PTPRD: variants seen among roughly 807,000 people sequenced by gnomAD.
PTPRD encodes the protein protein tyrosine phosphatase receptor type D.
PTPRD carries 34 observed loss-of-function variants against 214.5 expected under a neutral mutation model. The ratio of observed to expected loss-of-function variants is 0.16; its 90% CI spans 0.12 to 0.21. The LOEUF is 0.21. Among genes scored for constraint, PTPRD ranks in the 10% least tolerant of loss-of-function variants. The pLI is 1.00. For missense variants in PTPRD, 2,545 were observed against 2,398.7 expected (o/e 1.06, Z -1.27); for synonymous variants, 1,128 against 845.7 (o/e 1.33, Z -5.79).
chr9:9,069,784 A>T (rs1253351691), intron 10 of PTPRD, among the ~76,000 whole-genome samples: 3 of 152,186 alleles, frequency 2.0e-5, no homozygotes, highest in African/African-American at 4.8e-5. Context: ...AACCTCAGGT[A>T]TTATACAAAA....
chr9:10,556,518 G>A (rs1276575694), intron 2 of PTPRD, among the ~76,000 whole-genome samples: 1 of 152,026 alleles, frequency 6.6e-6, no homozygotes, highest in East Asian at 1.9e-4. Context: ...GAGTCACGTG[G>A]TGATACAACG....
intron 11 of PTPRD, among the ~76,000 whole-genome samples, chr9:8,763,887 C>T (rs183855532): frequency 2.2e-4 from 34 of 152,278 alleles, no homozygotes; most frequent in Non-Finnish European, 4.1e-4. Context: ...AATTCTCTCT[C>T]ATTAGCTTAC....
intron 11 of PTPRD, chr9:8,858,126 C>G (rs1024626975): frequency 2.0e-4 from 32 of 163,122 alleles, no homozygotes; most frequent in Non-Finnish European, 3.7e-4. Flanking sequence ...CTCCTCCTCC[C>G]GCTCCTCGAT....
chr9:9,326,618 A>C, intron 9 of PTPRD, among the ~76,000 whole-genome samples: 1 of 152,052 alleles, frequency 6.6e-6, no homozygotes, highest in Non-Finnish European at 1.5e-5. Context: ...TGTTTAAATA[A>C]AAATGACAAG....
intron 11 of PTPRD, among the ~76,000 whole-genome samples, chr9:8,765,422 T>A (rs1022486776): frequency 1.6e-4 from 24 of 152,216 alleles, no homozygotes; most frequent in African/African-American, 5.8e-4. Context: ...ACCTTCATGT[T>A]CTAAGGACAC....
chr9:9,118,025 G>C (rs2099814004), intron 10 of PTPRD, among the ~76,000 whole-genome samples: 1 of 152,104 alleles, frequency 6.6e-6, no homozygotes, highest in African/African-American at 2.4e-5. Context: ...GCAAGTGAGG[G>C]ACCTGAAGCA....
intron 8 of PTPRD, among the ~76,000 whole-genome samples, chr9:9,482,373 A>C (rs2095452223): frequency 6.6e-6 from 1 of 152,208 alleles, no homozygotes; most frequent in South Asian, 2.1e-4. Flanking sequence ...GTCTTGTTTA[A>C]AAAATTAATG....
At chr9:8,780,906 G>C (rs763456225) in intron 11 of PTPRD, among the ~76,000 whole-genome samples, 1 of 152,150 alleles carries the variant, frequency 6.6e-6, no homozygotes, top group Non-Finnish European at 1.5e-5. Context: ...GCTTCCTTCT[G>C]CACATCACAG....
At chr9:10,512,734 C>T (rs763634449) in intron 2 of PTPRD, among the ~76,000 whole-genome samples, 1 of 151,950 alleles carries the variant, frequency 6.6e-6, no homozygotes, top group Non-Finnish European at 1.5e-5. Context: ...GAGAAAAATA[C>T]AAGCTACCTA....
chr9:9,407,103 C>A (rs147304129), intron 8 of PTPRD, among the ~76,000 whole-genome samples: 1 of 151,712 alleles, frequency 6.6e-6, no homozygotes, highest in African/African-American at 2.4e-5. Flanking sequence ...CTTACCACCA[C>A]CATTTAAGTT....
At chr9:9,428,333 A>T (rs541015408) in intron 8 of PTPRD, among the ~76,000 whole-genome samples, 1 of 152,342 alleles carries the variant, frequency 6.6e-6, no homozygotes, top group African/African-American at 2.4e-5. Flanking sequence ...ACATAATGGT[A>T]AAGGGATCAA....
At chr9:9,538,518 T>C (rs1428334303) in intron 8 of PTPRD, among the ~76,000 whole-genome samples, 1 of 151,914 alleles carries the variant, frequency 6.6e-6, no homozygotes, top group Admixed American at 6.6e-5. Flanking sequence ...TGAGTCAGTC[T>C]GCCATCCTTT....
At chr9:9,894,634 T>A (rs1250970203) in intron 5 of PTPRD, among the ~76,000 whole-genome samples, 1 of 152,078 alleles carries the variant, frequency 6.6e-6, no homozygotes, top group Non-Finnish European at 1.5e-5. Context: ...CACATCACAC[T>A]GCATGCTTTT....
chr9:9,384,336 G>A (rs2063192645), intron 9 of PTPRD, among the ~76,000 whole-genome samples: 2 of 84,588 alleles, frequency 2.4e-5, no homozygotes, highest in South Asian at 4.5e-4. Context: ...TTGAGCAGAA[G>A]ACTAGGCTTT....
intron 12 of PTPRD, among the ~76,000 whole-genome samples, chr9:8,689,569 G>A (rs188128865): frequency 2.5e-4 from 38 of 152,206 alleles, no homozygotes; most frequent in South Asian, 6.2e-4. Context: ...GTCAGATCTC[G>A]TAATACGTAT....
At chr9:8,940,151 T>C (rs1345967722) in intron 11 of PTPRD, among the ~76,000 whole-genome samples, 1 of 151,922 alleles carries the variant, frequency 6.6e-6, no homozygotes, top group East Asian at 1.9e-4. Context: ...TGTCAAGACC[T>C]GAGAGGCTCT....
chr9:8,683,786 A>G (rs1288173547), intron 12 of PTPRD, among the ~76,000 whole-genome samples: 1 of 151,936 alleles, frequency 6.6e-6, no homozygotes, highest in Non-Finnish European at 1.5e-5. Flanking sequence ...GCTTCTGCCG[A>G]CTCTCCTTCT....
intron 11 of PTPRD, among the ~76,000 whole-genome samples, chr9:8,737,362 A>C (rs1180570032): frequency 1.3e-5 from 2 of 152,218 alleles, no homozygotes; most frequent in East Asian, 3.9e-4. Flanking sequence ...CAACATTGCC[A>C]AAAGGGAAAT....
At position 9,424,790 on chromosome 9, in the gene PTPRD, G is replaced by T. The variant is rs558188164; in HGVS notation, c.-236-27308C>A. The stretch of plus-strand genomic sequence containing the variant: ...GATACAAAGTCAATATTTTAAAATT[G>T]CACTTCTACAGACCAGCAAAAATAA... On this transcript the variant is annotated intron_variant, in intron 8 of 45. Coordinates refer to ENST00000381196, the MANE Select transcript of PTPRD (RefSeq NM_002839.4). 2.6e-5 allele frequency among the ~76,000 whole-genome samples: 4 copies of T among 152,098 alleles called. No individual in the cohort carries two copies. In the South Asian group the frequency reaches 6.2e-4, roughly 24 times the overall value.
Sources: allele counts gnomAD v4.1 joint callset (sites outside exome capture counted in the v4.1 genomes callset), GRCh38; gene constraint gnomAD v4.1.1; transcripts MANE v1.5; gene names NCBI Gene and HGNC (gene_info 2026-07-23, HGNC 2026-07-21).